The following TIAM1 variants were observed in gnomAD, a reference collection of about 807,000 sequenced individuals.
TIAM1 encodes rho guanine nucleotide exchange factor TIAM1.
A neutral mutation model predicts 163.5 loss-of-function variants in TIAM1; 65 were observed. The ratio of observed to expected loss-of-function variants is 0.40; its 90% CI spans 0.33 to 0.49. The LOEUF is 0.49. TIAM1 is among the 20% of genes least tolerant of loss of function. The pLI is 0.77. For missense variants in TIAM1, 1,789 were observed against 2,044.7 expected, an observed-to-expected ratio of 0.87 and a Z score of 2.41; for synonymous variants, 833 against 810.1, an observed-to-expected ratio of 1.03 and a Z score of -0.48.
At chr21:31,449,513 G>T (rs530083601) in intron 2 of TIAM1, among the ~76,000 whole-genome samples, 2 of 151,892 alleles carry the variant, frequency 1.3e-5, no homozygotes, top group Admixed American at 6.6e-5. Context: ...TGAGTAGCTG[G>T]GATTACAGTC....
intron 3 of TIAM1, among the ~76,000 whole-genome samples, chr21:31,275,878 G>T (rs905886155): frequency 1.2e-4 from 18 of 152,090 alleles, no homozygotes; most frequent in African/African-American, 3.9e-4. Flanking sequence ...GGCATTTAAT[G>T]ATGTAAGTTA....
intron 1 of TIAM1, among the ~76,000 whole-genome samples, chr21:31,533,943 G>A (rs372483398): frequency 2.4e-4 from 37 of 152,122 alleles, no homozygotes; most frequent in Non-Finnish European, 5.4e-4. Flanking sequence ...ACCTAAGCAC[G>A]AGGGATTCGG....
At chr21:31,515,153 C>T (rs1239763249) in intron 1 of TIAM1, among the ~76,000 whole-genome samples, 2 of 152,168 alleles carry the variant, frequency 1.3e-5, no homozygotes, top group South Asian at 4.1e-4. Context: ...CCTTTCTTCG[C>T]TATCGACCCA....
chr21:31,223,476 A>C lies in TIAM1; in HGVS notation c.1925T>G (p.Phe642Cys). 1 of 1,614,060 alleles carries C rather than the reference A, an allele frequency of 6.2e-7. No individual in the cohort carries two copies. Among genetic ancestry groups the C allele is most frequent in the Non-Finnish European group, 8.5e-7 (1 of 1,179,952 alleles). Residue 642 changes from phenylalanine to cysteine, a missense_variant, in exon 8 of 28, where the codon TTT (phenylalanine) becomes TGT (cysteine). Physicochemically the swap from Phe to Cys is radical, Grantham distance 205. Around this residue, in one of 5 missense-constraint regions of TIAM1, gnomAD observed 456 missense variants for 586.6 expected, o/e 0.78. Transcript: ENST00000541036. ...GGCCACTTTCGTTGGTCGACTTGCA[A>C]AAGCGAGAAGCCTTTTGGGGTTTGG... is the stretch of plus-strand genomic sequence containing the variant. ...ELPNPKRLLA[F>C]ASRPTKVAMG...
intron 4 of TIAM1, among the ~76,000 whole-genome samples, chr21:31,254,936 G>A (rs1349969870): frequency 6.6e-6 from 1 of 152,140 alleles, no homozygotes; most frequent in Non-Finnish European, 1.5e-5. Context: ...TCACTACATT[G>A]CCAACACCAT....
At chr21:31,208,289 A>G (rs1007909795) in intron 11 of TIAM1, among the ~76,000 whole-genome samples, 4 of 152,230 alleles carry the variant, frequency 2.6e-5, no homozygotes, top group African/African-American at 9.6e-5. Context: ...GTTTAAAGCC[A>G]ATGTGCACAG....
intron 2 of TIAM1, among the ~76,000 whole-genome samples, chr21:31,352,067 C>CAAA (rs59844425): frequency 2.4e-5 from 3 of 126,380 alleles, no homozygotes; most frequent in South Asian, 2.6e-4. Context: ...GAGTCTGTCT[C>CAAA]AAAAAAAAAA....
chr21:31,240,910 C>A (rs973875228), intron 6 of TIAM1, among the ~76,000 whole-genome samples: 1 of 152,162 alleles, frequency 6.6e-6, no homozygotes, highest in African/African-American at 2.4e-5. Context: ...AATTGTAGTG[C>A]CCATAATTCC....
Position 31,118,501 on chromosome 21 carries a change from A to G in TIAM1, c.*1867T>C, listed in dbSNP as rs966254739. ...AAAACATAAAAATAGACCTTCTTTC[A>G]GCTTATAAAAGAAATATATAAGAAC... On this transcript the variant is annotated 3_prime_UTR_variant, in exon 28 of 28. Coordinates refer to ENST00000541036, the MANE Select transcript of TIAM1 (RefSeq NM_001353694.2). 4.5e-6 allele frequency: 2 copies of G among 448,536 alleles called. No homozygotes were observed. The highest frequency in any genetic ancestry group is 1.7e-5 in the South Asian group (1 of 59,584). The allele number at this position is 448,536 out of a possible 1,614,324, so 27.8% of individuals were successfully genotyped here.
chr21:31,279,280 C>A (rs1188952138), intron 2 of TIAM1, among the ~76,000 whole-genome samples: 1 of 152,260 alleles, frequency 6.6e-6, no homozygotes, highest in Non-Finnish European at 1.5e-5. Flanking sequence ...CGGAACTGAT[C>A]CATGACATGG....
intron 1 of TIAM1, among the ~76,000 whole-genome samples, chr21:31,505,485 C>CA (rs2046993732): frequency 6.6e-6 from 1 of 152,092 alleles, no homozygotes. Flanking sequence ...GTGTCATTCA[C>CA]AAACACAGGG....
chr21:31,375,061 C>G (rs2076660850), intron 2 of TIAM1, among the ~76,000 whole-genome samples: 1 of 152,164 alleles, frequency 6.6e-6, no homozygotes, highest in Non-Finnish European at 1.5e-5. Flanking sequence ...TCACCTTGTA[C>G]TAGAATTCTC....
chr21:31,503,626 A>G (rs2046935455), intron 1 of TIAM1, among the ~76,000 whole-genome samples: 1 of 10,862 alleles, frequency 9.2e-5, no homozygotes, highest in Non-Finnish European at 1.8e-4. Flanking sequence ...ACCTGAAATC[A>G]GCACTCCAAA....
intron 8 of TIAM1, among the ~76,000 whole-genome samples, chr21:31,218,396 T>C (rs550239545): frequency 1.3e-5 from 2 of 152,180 alleles, no homozygotes; most frequent in South Asian, 2.1e-4. Flanking sequence ...GGTGAAACCC[T>C]GTCTTAACTA....
chr21:31,148,465 T>C (rs957803670), intron 19 of TIAM1, among the ~76,000 whole-genome samples: 1 of 152,206 alleles, frequency 6.6e-6, no homozygotes, highest in Non-Finnish European at 1.5e-5. Flanking sequence ...TGTGAGTCCA[T>C]TAAACCTCTT....
chr21:31,230,749 G>C (rs1165654082), intron 6 of TIAM1, among the ~76,000 whole-genome samples: 3 of 152,142 alleles, frequency 2.0e-5, no homozygotes, highest in Non-Finnish European at 4.4e-5. Flanking sequence ...GGCCAGTCTG[G>C]TCTTGAACTC....
intron 2 of TIAM1, among the ~76,000 whole-genome samples, chr21:31,278,536 C>G (rs1026334188): frequency 3.3e-5 from 5 of 152,100 alleles, no homozygotes; most frequent in Non-Finnish European, 7.4e-5. Context: ...CAGGTGGGAA[C>G]CTGAGATGAC....
intron 1 of TIAM1, among the ~76,000 whole-genome samples, chr21:31,498,965 G>T (rs2046758077): frequency 8.7e-6 from 1 of 115,212 alleles, no homozygotes; most frequent in African/African-American, 3.2e-5. Context: ...GAAAAGAAAA[G>T]AAAAGAGCGA....
At chr21:31,352,442 T>G (rs923224136) in intron 2 of TIAM1, among the ~76,000 whole-genome samples, 2 of 151,542 alleles carry the variant, frequency 1.3e-5, no homozygotes, top group East Asian at 1.9e-4. Context: ...TACTTAAAAA[T>G]AGTTAAAATG....
Sources: allele counts gnomAD v4.1 joint callset (sites outside exome capture counted in the v4.1 genomes callset), GRCh38; gene constraint gnomAD v4.1.1; regional missense constraint gnomAD v4.1.1; transcripts MANE v1.5; gene names NCBI Gene and HGNC (gene_info 2026-07-23, HGNC 2026-07-21).